Variants in TAS2R1 observed in about 807,000 individuals in gnomAD.
TAS2R1 encodes taste 2 receptor member 1.
For synonymous variants in TAS2R1, 141 were observed against 134.2 expected (o/e 1.05, Z -0.35); for missense variants, 370 against 353.4 (o/e 1.05, Z -0.38).
chr5:9,669,751 C>G (rs1044146226), intron 1 of TAS2R1, among the ~76,000 whole-genome samples: 1 of 152,128 alleles, frequency 6.6e-6, no homozygotes, highest in African/African-American at 2.4e-5. Flanking sequence ...CTCTGGGACA[C>G]AGCTAAAACA....
chr5:9,666,433 A>G (rs28800), intron 1 of TAS2R1, among the ~76,000 whole-genome samples: 98,780 of 151,988 alleles, frequency 0.65, 34,369 homozygotes, highest in Non-Finnish European at 0.78. Flanking sequence ...TCTACAAAAT[A>G]TCTTCATTGA....
chr5:9,685,341 T>C (rs1374574089), intron 1 of TAS2R1, among the ~76,000 whole-genome samples: 2 of 151,980 alleles, frequency 1.3e-5, no homozygotes, highest in Non-Finnish European at 2.9e-5. Context: ...ACACAGAAAA[T>C]ACCCCATCGA....
At chr5:9,838,925 A>C in the TAS2R1 span, among the ~76,000 whole-genome samples, 1 of 152,226 alleles carries the variant, frequency 6.6e-6, no homozygotes, top group African/African-American at 2.4e-5. Context: ...TGAGAGCTGG[A>C]TGGTTAGAAG....
the TAS2R1 span, among the ~76,000 whole-genome samples, chr5:9,863,270 T>TC: frequency 6.7e-6 from 1 of 149,410 alleles, no homozygotes; most frequent in Non-Finnish European, 1.5e-5. Context: ...AAAGATTTTT[T>TC]TTTTTTTTTT....
chr5:9,810,932 T>A, the TAS2R1 span, among the ~76,000 whole-genome samples: 7 of 152,302 alleles, frequency 4.6e-5, no homozygotes, highest in African/African-American at 1.4e-4. Flanking sequence ...CTTTACCCAC[T>A]GGCTGAAGAC....
At chr5:9,862,213 G>T in the TAS2R1 span, among the ~76,000 whole-genome samples, 1 of 148,748 alleles carries the variant, frequency 6.7e-6, no homozygotes, top group Non-Finnish European at 1.5e-5. Context: ...AAAAAAAAAT[G>T]AGCCAATTTT....
At chr5:9,670,581 T>G (rs1230179897) in intron 1 of TAS2R1, among the ~76,000 whole-genome samples, 3 of 152,188 alleles carry the variant, frequency 2.0e-5, no homozygotes, top group African/African-American at 7.2e-5. Flanking sequence ...TTTGCTTAAA[T>G]AAACTCTGTT....
chr5:9,804,423 C>T, the TAS2R1 span, among the ~76,000 whole-genome samples: 6 of 152,074 alleles, frequency 3.9e-5, no homozygotes, highest in East Asian at 3.9e-4. Flanking sequence ...ACATTCTATC[C>T]AACAACTGCA....
At chr5:9,842,572 C>G in the TAS2R1 span, among the ~76,000 whole-genome samples, 4 of 152,114 alleles carry the variant, frequency 2.6e-5, no homozygotes, top group Non-Finnish European at 5.9e-5. Context: ...ATCTGCCCGC[C>G]TCAGCCTCCC....
chr5:9,690,218 A>C (rs1424901408), intron 1 of TAS2R1, among the ~76,000 whole-genome samples: 2 of 142,838 alleles, frequency 1.4e-5, no homozygotes, highest in Admixed American at 7.0e-5. Context: ...AATTTCTGGA[A>C]TATATATGCC....
chr5:9,878,373 T>A, the TAS2R1 span, among the ~76,000 whole-genome samples: 1 of 152,160 alleles, frequency 6.6e-6, no homozygotes, highest in Non-Finnish European at 1.5e-5. Context: ...GGAGGATTCA[T>A]CCTGATCATC....
chr5:9,830,456 CAAAAATAGATGACAGACACAG>C, the TAS2R1 span, among the ~76,000 whole-genome samples: 2 of 151,554 alleles, frequency 1.3e-5, no homozygotes, highest in Non-Finnish European at 2.9e-5. Flanking sequence ...ATGACAGACA[CAAAAATAGATGACAGACACAG>C]AAAAATAGAT....
chr5:9,826,692 G>A, the TAS2R1 span, among the ~76,000 whole-genome samples: 2 of 152,158 alleles, frequency 1.3e-5, no homozygotes, highest in Admixed American at 6.6e-5. Context: ...CAGTGACCAT[G>A]TACTACTTCT....
chr5:9,741,313 G>T, the TAS2R1 span, among the ~76,000 whole-genome samples: 16,827 of 152,016 alleles, frequency 0.11, 1,134 homozygotes, highest in Middle Eastern at 0.23. Flanking sequence ...GAAATTAAGA[G>T]ATTTTCTCAA....
At chr5:9,775,740 C>T in the TAS2R1 span, among the ~76,000 whole-genome samples, 1 of 152,140 alleles carries the variant, frequency 6.6e-6, no homozygotes, top group African/African-American at 2.4e-5. Flanking sequence ...TGCCCAGAAG[C>T]CAGGGCCTGG....
intron 1 of TAS2R1, among the ~76,000 whole-genome samples, chr5:9,667,871 G>C (rs1358118882): frequency 1.3e-5 from 2 of 152,168 alleles, no homozygotes; most frequent in African/African-American, 4.8e-5. Flanking sequence ...AAGTCAGAGT[G>C]TTTTCTTACC....
At chr5:9,791,280 T>G in the TAS2R1 span, among the ~76,000 whole-genome samples, 2 of 152,172 alleles carry the variant, frequency 1.3e-5, no homozygotes, top group African/African-American at 2.4e-5. Context: ...GGCCCCAGCA[T>G]GTACAGTGAG....
chr5:9,694,696 G>A (rs1741323185), intron 1 of TAS2R1, among the ~76,000 whole-genome samples: 1 of 152,078 alleles, frequency 6.6e-6, no homozygotes, highest in Admixed American at 6.5e-5. Context: ...ACTTATGTCA[G>A]TTATAACATA....
At chr5:9,712,130 C>T (rs962576752) in intron 1 of TAS2R1, 1 of 152,154 alleles carries the variant, frequency 6.6e-6, no homozygotes, top group African/African-American at 2.4e-5. Context: ...AACAAAGTGT[C>T]TAACAACTAT....
Sources: allele counts gnomAD v4.1 joint callset (sites outside exome capture counted in the v4.1 genomes callset), GRCh38; gene constraint gnomAD v4.1.1; transcripts MANE v1.5; gene names NCBI Gene and HGNC (gene_info 2026-07-23, HGNC 2026-07-21).